The following AOPEP variants were observed in gnomAD, a reference collection of about 807,000 sequenced individuals.
The protein encoded by AOPEP is aminopeptidase O.
In AOPEP, 77 loss-of-function variants were observed where a neutral mutation model predicts 98.1. The observed-to-expected ratio is 0.78, with a 90% CI of 0.65 to 0.95. The LOEUF (loss-of-function observed/expected upper bound fraction) is 0.95, where lower values mean the gene tolerates loss of function less well. AOPEP is among the 40% of genes least tolerant of loss of function. The probability of loss-of-function intolerance (pLI) is 0.00; values close to 1 mark genes in which losing one functional copy is unlikely to be tolerated. For missense variants in AOPEP, 1,024 were observed against 1,024.7 expected (o/e 1.00, Z 0.01); for synonymous variants, 346 against 365.3 (o/e 0.95, Z 0.60).
chr9:95,059,026 G>A (rs766045938), intron 13 of AOPEP, among the ~76,000 whole-genome samples: 9 of 152,226 alleles, frequency 5.9e-5, no homozygotes, highest in Non-Finnish European at 1.3e-4. Flanking sequence ...TGGTGAGGAG[G>A]CCTACCAGAG....
intron 5 of AOPEP, among the ~76,000 whole-genome samples, chr9:94,910,057 TG>T (rs2051790331): frequency 6.6e-6 from 1 of 152,230 alleles, no homozygotes; most frequent in Admixed American, 6.5e-5. Context: ...GCAAGACTGC[TG>T]TGAGCCAGAG....
intron 4 of AOPEP, among the ~76,000 whole-genome samples, chr9:94,793,492 C>G (rs1465985919): frequency 6.6e-6 from 1 of 152,104 alleles, no homozygotes; most frequent in Non-Finnish European, 1.5e-5. Context: ...GCCTGGCCAA[C>G]ATGGTGAAAC....
intron 10 of AOPEP, among the ~76,000 whole-genome samples, chr9:94,973,730 C>T (rs956648054): frequency 4.6e-5 from 7 of 152,222 alleles, no homozygotes; most frequent in Non-Finnish European, 8.8e-5. Flanking sequence ...ACGCAGGACT[C>T]GCAGTCATGG....
intron 7 of AOPEP, among the ~76,000 whole-genome samples, chr9:94,946,660 A>G (rs1195263308): frequency 1.3e-5 from 2 of 152,180 alleles, no homozygotes; most frequent in East Asian, 1.9e-4. Context: ...CACCAAAACA[A>G]TCTACGTATC....
At chr9:94,850,855 AG>A (rs1209627796) in intron 5 of AOPEP, among the ~76,000 whole-genome samples, 1 of 152,352 alleles carries the variant, frequency 6.6e-6, no homozygotes, top group African/African-American at 2.4e-5. Flanking sequence ...TGGGTTAGGC[AG>A]GGACATTTGA....
At chr9:94,986,454 T>C (rs907234791) in intron 11 of AOPEP, among the ~76,000 whole-genome samples, 4 of 152,224 alleles carry the variant, frequency 2.6e-5, no homozygotes, top group Non-Finnish European at 5.9e-5. Flanking sequence ...CTCTCACTAG[T>C]TCCGCATTCT....
intron 13 of AOPEP, among the ~76,000 whole-genome samples, chr9:95,033,404 C>T (rs999689932): frequency 1.3e-5 from 2 of 152,130 alleles, no homozygotes; most frequent in Non-Finnish European, 2.9e-5. Flanking sequence ...TCTCCTCCCT[C>T]CCTGTTGTGT....
At chr9:95,086,134 C>T in intron 16 of AOPEP, 1 of 1,358,516 alleles carries the variant, frequency 7.4e-7, no homozygotes, top group South Asian at 1.2e-5. Flanking sequence ...GTGCCCGAGG[C>T]TCAGGAGAGC....
intron 13 of AOPEP, among the ~76,000 whole-genome samples, chr9:95,043,724 G>A (rs912262042): frequency 6.6e-5 from 10 of 152,110 alleles, no homozygotes. Context: ...AATACAAGTG[G>A]CAAGATGAGG....
At chr9:94,760,765 G>A (rs1266503844) in intron 2 of AOPEP, 185 bp downstream of exon 2, 2 of 462,346 alleles carry the variant, frequency 4.3e-6, no homozygotes, top group African/African-American at 2.0e-5. Context: ...ACCCTTAATA[G>A]GATTAGCTCC....
chr9:95,089,533 A>G (rs113449841), downstream of AOPEP, among the ~76,000 whole-genome samples: 249 of 152,290 alleles, frequency 1.6e-3, no homozygotes, highest in African/African-American at 5.7e-3. Flanking sequence ...CCACGCCACA[A>G]TGCCTCCCCA....
chr9:94,842,848 TTA>T (rs2042433348), intron 5 of AOPEP, among the ~76,000 whole-genome samples: 1 of 152,196 alleles, frequency 6.6e-6, no homozygotes, highest in African/African-American at 2.4e-5. Context: ...TCCAAAGTTT[TTA>T]TTTTGAAATC....
chr9:95,147,672 T>G, the AOPEP span, among the ~76,000 whole-genome samples: 1 of 152,258 alleles, frequency 6.6e-6, no homozygotes, highest in Admixed American at 6.5e-5. Context: ...CAGATGTTAA[T>G]GATTTACCTT....
chr9:95,096,958 G>A, the AOPEP span, among the ~76,000 whole-genome samples: 3 of 152,182 alleles, frequency 2.0e-5, no homozygotes, highest in Non-Finnish European at 2.9e-5. Context: ...CAGTACCCTC[G>A]GTTGGAAGGG....
At chr9:94,993,241 C>T (rs1359486494) in intron 11 of AOPEP, among the ~76,000 whole-genome samples, 1 of 152,078 alleles carries the variant, frequency 6.6e-6, no homozygotes, top group African/African-American at 2.4e-5. Flanking sequence ...ATTATTATTT[C>T]TAAGATACAT....
intron 9 of AOPEP, among the ~76,000 whole-genome samples, chr9:94,957,349 A>G (rs1454993436): frequency 6.6e-6 from 1 of 152,134 alleles, no homozygotes; most frequent in Non-Finnish European, 1.5e-5. Flanking sequence ...CTGGGATTAC[A>G]GGCGCTTGCC....
At chr9:94,735,322 G>A (rs61086657) in intron 1 of AOPEP, among the ~76,000 whole-genome samples, 7,897 of 152,228 alleles carry the variant, frequency 0.052, 231 homozygotes, top group Admixed American at 0.077. Context: ...CTGGGTTCAC[G>A]CCATTCTCCT....
chr9:94,730,200 C>T (rs990480692), intron 1 of AOPEP, among the ~76,000 whole-genome samples: 3 of 150,168 alleles, frequency 2.0e-5, no homozygotes, highest in African/African-American at 7.4e-5. Flanking sequence ...AGGAGAATGG[C>T]GTGAACTGGT....
In AOPEP at chr9:94,759,765, T is replaced by G; in HGVS notation, c.-19T>G. ...CCCATCTGAGATTTTAATAAATCCC[T>G]CAAACAATAAACCACATCATGGACA... On this transcript the variant is annotated 5_prime_UTR_variant, in exon 2 of 17. Transcript: ENST00000375315. 1 of 1,586,706 alleles carries G rather than the reference T, an allele frequency of 6.3e-7. No individual in the cohort carries two copies. Among genetic ancestry groups the G allele is most frequent in the Non-Finnish European group, 8.6e-7 (1 of 1,166,680 alleles).
Sources: allele counts gnomAD v4.1 joint callset (sites outside exome capture counted in the v4.1 genomes callset), GRCh38; gene constraint gnomAD v4.1.1; transcripts MANE v1.5; gene names NCBI Gene and HGNC (gene_info 2026-07-23, HGNC 2026-07-21).